PDGFA: variants seen among roughly 807,000 people sequenced by gnomAD.
PDGFA encodes the protein platelet derived growth factor subunit A, also known as platelet-derived growth factor subunit A.
Under a neutral mutation model 25.6 loss-of-function variants are expected in PDGFA, and 9 were observed. That is an observed-to-expected ratio of 0.35 (90% CI 0.21 to 0.61). PDGFA has a LOEUF of 0.61. Ranked by LOEUF, PDGFA falls within the 20% of genes least tolerant of loss-of-function variation. PDGFA has a pLI of 0.75. For synonymous variants in PDGFA, 133 were observed against 111.8 expected (o/e 1.19, Z -1.20); for missense variants, 242 against 272.8 (o/e 0.89, Z 0.79).
chr7:512,213 G>C (rs1023490816), intron 3 of PDGFA, 138 bp downstream of exon 3: 3 of 766,936 alleles, frequency 3.9e-6, no homozygotes, highest in Admixed American at 2.9e-5. Flanking sequence ...AGGGAGGAGG[G>C]AACGGGTGGC....
chr7:515,344 G>T (rs1025858270), intron 2 of PDGFA, among the ~76,000 whole-genome samples: 2 of 152,186 alleles, frequency 1.3e-5, no homozygotes, highest in Non-Finnish European at 2.9e-5. Flanking sequence ...TACCCAATGA[G>T]AACTGACCTC....
At chr7:514,611 G>A (rs762653598) in intron 2 of PDGFA, among the ~76,000 whole-genome samples, 6 of 152,194 alleles carry the variant, frequency 3.9e-5, no homozygotes, top group Non-Finnish European at 8.8e-5. Flanking sequence ...AGGCACAGAT[G>A]TCCCAAGGAC....
chr7:515,114 A>G (rs1783030245), intron 2 of PDGFA, among the ~76,000 whole-genome samples: 1 of 152,202 alleles, frequency 6.6e-6, no homozygotes, highest in Non-Finnish European at 1.5e-5. Context: ...GGATTCCTCA[A>G]AGCCTCTTTT....
At chr7:516,040 G>GCC (rs1299066097) in intron 2 of PDGFA, among the ~76,000 whole-genome samples, 572 of 33,720 alleles carry the variant, frequency 0.017, 6 homozygotes, top group East Asian at 0.052. Flanking sequence ...CCAGGAAGCA[G>GCC]CCCCCCCCCC....
rs376115323 is a variant in PDGFA at position 510,221 on chromosome 7, G to C, written c.453+588C>G. Among the ~76,000 whole-genome samples, 310 of 152,250 alleles carry C rather than the reference G, an allele frequency of 2.0e-3. 2 individuals are homozygous for C. Among genetic ancestry groups the C allele is most frequent in the South Asian group, 4.8e-3 (23 of 4,824 alleles). ...GGCCAGGCTCGTCGCCAGAGCAGCA[G>C]AGCAGAAGCCCCGGCCGGCCCTGCC... On this transcript the variant is annotated intron_variant, in intron 4 of 5. Coordinates refer to ENST00000402802, the Ensembl canonical transcript of PDGFA.
intron 4 of PDGFA, among the ~76,000 whole-genome samples, chr7:505,872 A>C (rs1782539603): frequency 6.6e-6 from 1 of 152,176 alleles, no homozygotes; most frequent in Non-Finnish European, 1.5e-5. Context: ...CCAGATGCTG[A>C]CTTGGGTCAT....
chr7:520,140 C>A (rs1215503467), upstream of PDGFA: 1 of 353,606 alleles, frequency 2.8e-6, no homozygotes, highest in Non-Finnish European at 5.7e-6. Context: ...TGCAATCCTG[C>A]GGCACCGGGT....
chr7:510,689 C>T (rs1232932284), intron 4 of PDGFA, 120 bp downstream of exon 4: 8 of 434,638 alleles, frequency 1.8e-5, no homozygotes, highest in South Asian at 4.2e-5. Flanking sequence ...TTGGTAGGGG[C>T]GGCCCCGGGC....
chr7:505,496 G>A (rs1782521235), intron 4 of PDGFA, among the ~76,000 whole-genome samples: 1 of 152,206 alleles, frequency 6.6e-6, no homozygotes, highest in Non-Finnish European at 1.5e-5. Flanking sequence ...CCCTGAGGAG[G>A]GCTTGGGACA....
intron 4 of PDGFA, 73 bp from the exon 5 acceptor site, chr7:501,315 G>C: frequency 6.3e-7 from 1 of 1,592,464 alleles, no homozygotes; most frequent in Non-Finnish European, 8.6e-7. Context: ...CTGGGAGCCG[G>C]GGACAGGCTG....
intron 4 of PDGFA, among the ~76,000 whole-genome samples, chr7:502,768 T>TCACA (rs71016866): frequency 0.074 from 9,325 of 125,944 alleles, 414 homozygotes; most frequent in African/African-American, 0.11. Context: ...AGGCAAGAAA[T>TCACA]CACACACACA....
chr7:498,427 C>A (rs2128387342), exon 6 of PDGFA: 1 of 792,924 alleles, frequency 1.3e-6, no homozygotes, highest in South Asian at 1.5e-5. Flanking sequence ...TCTTTGTTCT[C>A]CCGAGTGTTC....
At chr7:520,327 C>T (rs1783317080), upstream of PDGFA, 5 of 179,648 alleles carry the variant, frequency 2.8e-5, no homozygotes, top group South Asian at 4.4e-4. Context: ...GGGCCCCAGC[C>T]TTCCTCTCTC....
rs773029542 is a variant in PDGFA at position 501,036 on chromosome 7, A to C, written c.580+80T>G. 17 of 1,612,274 alleles carry C rather than the reference A, an allele frequency of 1.1e-5. No individual in the cohort carries two copies. The South Asian group carries it at 1.8e-4, about 17-fold the overall frequency. On this transcript the variant is annotated intron_variant, in intron 5 of 5. Transcript: ENST00000402802. The stretch of plus-strand genomic sequence containing the variant: ...CTCACAGCAGTAAGCGTTGCGCTCA[A>C]GGGGGCCACCTAACACCCCAAAAGC...
chr7:512,313 C>G (rs776453404), intron 3 of PDGFA, 38 bp downstream of exon 3: 15 of 1,574,792 alleles, frequency 9.5e-6, no homozygotes, highest in Non-Finnish European at 1.3e-5. Flanking sequence ...TCACCCTGAC[C>G]CGGCCCTGCC....
upstream of PDGFA, among the ~76,000 whole-genome samples, chr7:519,717 C>T (rs952248440): frequency 6.9e-6 from 1 of 145,822 alleles, no homozygotes; most frequent in Non-Finnish European, 1.5e-5. Context: ...CTGCGCCGCC[C>T]GCGCGGGCCT....
rs2070958 is a variant in PDGFA at position 500,881 on chromosome 7, T to C, written c.580+235A>G. The C allele has an allele frequency of 0.41, 639,045 of 1,565,730 alleles. 133,463 individuals carry two copies. The highest frequency in any genetic ancestry group is 0.57 in the Middle Eastern group (2,978 of 5,180). On this transcript the variant is annotated intron_variant, in intron 5 of 5. Transcript: ENST00000402802. This position sits in a 1 kb window ranked among gnomAD's most constrained non-coding sequence, Gnocchi z 5.0. ...CCAGCCCCTCTCAGTGAGACCTGAA[T>C]CTCCTCTCCTGCCAGTGCCGCAGCT...
chr7:519,220 C>A, exon 1 of PDGFA: 1 of 268,272 alleles, frequency 3.7e-6, no homozygotes. Flanking sequence ...ACAGGGAGTG[C>A]GCGCCCGCAG....
intron 4 of PDGFA, among the ~76,000 whole-genome samples, chr7:508,559 C>CAAAAAAAAAAAAAAAAAAAA (rs766165770): frequency 5.6e-5 from 2 of 35,664 alleles, no homozygotes; most frequent in African/African-American, 2.2e-4. Context: ...GAAGCTGTCC[C>CAAAAAAAAAAAAAAAAAAAA]AAAAAAAAAA....
Sources: allele counts gnomAD v4.1 joint callset (sites outside exome capture counted in the v4.1 genomes callset), GRCh38; gene constraint gnomAD v4.1.1; non-coding constraint Gnocchi (gnomAD v3.1); transcripts MANE v1.5; gene names NCBI Gene and HGNC (gene_info 2026-07-23, HGNC 2026-07-21).